Variants in SP100 observed in about 807,000 individuals in gnomAD.
The protein encoded by SP100 is nuclear autoantigen Sp-100.
In SP100, 84 loss-of-function variants were observed where a neutral mutation model predicts 130.0. The observed-to-expected ratio is 0.65, with a 90% confidence interval of 0.54 to 0.77. The LOEUF is 0.77. Ranked by LOEUF, SP100 falls within the 30% of genes least tolerant of loss-of-function variation. The probability of loss-of-function intolerance (pLI) is 0.00; values close to 1 mark genes in which losing one functional copy is unlikely to be tolerated. For synonymous variants in SP100, 331 were observed against 351.7 expected, an observed-to-expected ratio of 0.94 and a Z score of 0.66; for missense variants, 978 against 1,052.2, an observed-to-expected ratio of 0.93 and a Z score of 0.97.
At chr2:230,453,944 G>C (rs1385262309) in intron 8 of SP100, among the ~76,000 whole-genome samples, 3 of 151,946 alleles carry the variant, frequency 2.0e-5, no homozygotes, top group African/African-American at 7.3e-5. Context: ...TTTGGTGGGT[G>C]GTATTTTATT....
chr2:230,418,831 G>A (rs775799878), intron 2 of SP100, among the ~76,000 whole-genome samples: 13 of 152,042 alleles, frequency 8.6e-5, no homozygotes, highest in Non-Finnish European at 1.6e-4. Context: ...CCTTATGCCA[G>A]TACCACGCTG....
At chr2:230,533,071 G>A (rs561550944) in intron 24 of SP100, among the ~76,000 whole-genome samples, 10 of 152,262 alleles carry the variant, frequency 6.6e-5, no homozygotes, top group East Asian at 1.9e-4. Flanking sequence ...ATAAGCCACC[G>A]TGCCCGGCCC....
At chr2:230,449,868 A>G (rs1415150736) in intron 7 of SP100, among the ~76,000 whole-genome samples, 158 bp downstream of exon 7, 1 of 152,214 alleles carries the variant, frequency 6.6e-6, no homozygotes, top group Non-Finnish European at 1.5e-5. Context: ...TGAGCCTGAT[A>G]CACTGACATA....
rs377024214 is a variant in SP100, at chr2:230,466,265, C to T, written c.1142-36C>T. 5.7e-6 allele frequency: 7 copies of T among 1,228,554 alleles called. No individual in the cohort carries two copies. In the African/African-American group the frequency reaches 9.1e-5, roughly 16 times the overall value. The allele number at this position is 1,228,554 out of a possible 1,614,324, so 76.1% of individuals were successfully genotyped here. A position where few individuals can be genotyped will look rare whatever the true frequency, so the allele number is the denominator to read the frequency against. ...TGTCATAGAATTTATAAGTCTCTTG[C>T]ATACAAATAACGGGTTTCTCCCTTT... On this transcript the variant is annotated intron_variant, in intron 11 of 28. Coordinates refer to ENST00000340126, the MANE Select transcript of SP100 (RefSeq NM_001080391.2).
At chr2:230,454,432 C>G (rs1001558802) in intron 8 of SP100, among the ~76,000 whole-genome samples, 1 of 152,106 alleles carries the variant, frequency 6.6e-6, no homozygotes. Flanking sequence ...TTGCTATAAA[C>G]TTCCCCTCTT....
chr2:230,422,209 T>C (rs1214712246), intron 2 of SP100, among the ~76,000 whole-genome samples: 1 of 152,200 alleles, frequency 6.6e-6, no homozygotes, highest in Non-Finnish European at 1.5e-5. Flanking sequence ...AAATTTTCTC[T>C]CTACTAATGA....
intron 25 of SP100, among the ~76,000 whole-genome samples, chr2:230,539,907 T>C (rs889785885): frequency 6.6e-6 from 1 of 152,166 alleles, no homozygotes; most frequent in African/African-American, 2.4e-5. Context: ...CGGAGATTGA[T>C]AAGGTGCTCT....
chr2:230,526,784 G>A lies in SP100; in HGVS notation c.2095-12483G>A, dbSNP rs544428331. On this transcript the variant is annotated intron_variant, in intron 24 of 28. Coordinates refer to ENST00000340126, the MANE Select transcript of SP100 (RefSeq NM_001080391.2). Reference sequence around the variant, plus strand: ...CGAGAACTTCATGACGCACGCACAAGCTTCAATAGCCGATTCAATCAAGTG... The same window carrying A: ...CGAGAACTTCATGACGCACGCACAAACTTCAATAGCCGATTCAATCAAGTG... Among the ~76,000 whole-genome samples, 17 of 152,274 alleles carry A rather than the reference G, an allele frequency of 1.1e-4. No individual in the cohort carries two copies. The East Asian group carries it at 2.7e-3, about 24-fold the overall frequency.
At chr2:230,521,563 CT>C (rs1286610967) in intron 24 of SP100, among the ~76,000 whole-genome samples, 2 of 152,208 alleles carry the variant, frequency 1.3e-5, no homozygotes, top group Admixed American at 6.5e-5. Flanking sequence ...GATCTCCCAT[CT>C]CCTTGGCTGC....
intron 2 of SP100, among the ~76,000 whole-genome samples, chr2:230,432,581 G>T (rs2063131813): frequency 2.0e-5 from 3 of 152,098 alleles, no homozygotes; most frequent in Non-Finnish European, 4.4e-5. Context: ...GTTGTGGTTT[G>T]ATTTGCTTTT....
rs571186766 is a variant in SP100, at chr2:230,446,912, A to T, written c.523+10A>T. 8.3e-6 allele frequency: 13 copies of T among 1,560,252 alleles called. No individual in the cohort carries two copies. The East Asian group carries it at 2.9e-4, about 35-fold the overall frequency. ...CTAAGTCTTGAACAAGGTAAAAATG[A>T]CAGAATAAAAGCTTTTTTCTAAGAG... On this transcript the variant is annotated intron_variant, in intron 5 of 28. Transcript: ENST00000340126.
intron 28 of SP100, 88 bp from the exon 29 acceptor site, chr2:230,542,748 C>A: frequency 1.4e-6 from 1 of 704,556 alleles, no homozygotes; most frequent in Non-Finnish European, 2.5e-6. Context: ...TTTGGGATAA[C>A]CTAAAATGAG....
Position 230,464,176 on chromosome 2 carries a change from A to C in SP100, c.1141+26A>C, listed in dbSNP as rs773674277. Reference sequence around the variant, plus strand: ...GTAAGAATATTAGAGTTGCAACCCGAGACTGTAGAATATCCAGAGTACAAA... The same window carrying C: ...GTAAGAATATTAGAGTTGCAACCCGCGACTGTAGAATATCCAGAGTACAAA... On this transcript the variant is annotated intron_variant, in intron 11 of 28. Transcript: ENST00000340126. 7.4e-6 allele frequency: 10 copies of C among 1,353,432 alleles called. No homozygotes were observed. The South Asian group carries it at 9.3e-5, about 13-fold the overall frequency. The allele number at this position is 1,353,432 out of a possible 1,614,324, so 83.8% of individuals were successfully genotyped here.
intron 24 of SP100, among the ~76,000 whole-genome samples, chr2:230,537,220 C>T (rs1434944768): frequency 6.6e-6 from 1 of 152,184 alleles, no homozygotes; most frequent in African/African-American, 2.4e-5. Context: ...GATCGCACCA[C>T]TGCACTCCAG....
chr2:230,449,722 T>C lies in SP100; in HGVS notation c.736+12T>C, dbSNP rs1353775499. ...GGCTGAGCCAACAGGTAAGACTGAC[T>C]GGGTTGGCATGAATGGGGAGGAGCC... On this transcript the variant is annotated intron_variant, in intron 7 of 28. Transcript: ENST00000340126. The C allele has an allele frequency of 1.2e-6, 2 of 1,613,872 alleles. No individual in the cohort carries two copies. Among genetic ancestry groups the C allele is most frequent in the Admixed American group, 1.7e-5 (1 of 60,000 alleles).
Position 230,421,131 on chromosome 2 carries a change from G to A in SP100, c.107+3466G>A, listed in dbSNP as rs183783136. On this transcript the variant is annotated intron_variant, in intron 2 of 28. Transcript: ENST00000340126. ...TTCCTTTCCTGTGCAACATCCTCCC[G>A]CCCCTCCCCGCCGACCCCACAAATA... Among the ~76,000 whole-genome samples, 47 of 151,842 alleles carry A rather than the reference G, an allele frequency of 3.1e-4. No homozygotes were observed. The East Asian group carries it at 8.1e-3, about 26-fold the overall frequency.
intron 24 of SP100, among the ~76,000 whole-genome samples, chr2:230,519,889 T>C (rs35092618): frequency 0.23 from 34,961 of 151,964 alleles, 5,735 homozygotes; most frequent in African/African-American, 0.47. Flanking sequence ...GGTCCACTTA[T>C]CTAAGTACTT....
chr2:230,466,804 C>T (rs1160194988), intron 12 of SP100, among the ~76,000 whole-genome samples: 2 of 152,000 alleles, frequency 1.3e-5, no homozygotes, highest in Non-Finnish European at 2.9e-5. Context: ...CACAACAAAA[C>T]CATAAAGGGA....
intron 24 of SP100, among the ~76,000 whole-genome samples, chr2:230,522,872 T>A (rs1691242689): frequency 6.6e-6 from 1 of 151,946 alleles, no homozygotes; most frequent in Non-Finnish European, 1.5e-5. Context: ...TGGAGTGCAG[T>A]GGTGCCATTT....
Sources: allele counts gnomAD v4.1 joint callset (sites outside exome capture counted in the v4.1 genomes callset), GRCh38; gene constraint gnomAD v4.1.1; transcripts MANE v1.5; gene names NCBI Gene and HGNC (gene_info 2026-07-23, HGNC 2026-07-21).